DPP6: variants seen among roughly 807,000 people sequenced by gnomAD.
DPP6 encodes A-type potassium channel modulatory protein DPP6.
Under a neutral mutation model 122.6 loss-of-function variants are expected in DPP6, and 69 were observed. The ratio of observed to expected loss-of-function variants is 0.56; its 90% CI spans 0.46 to 0.69. The LOEUF (loss-of-function observed/expected upper bound fraction) is 0.69, where lower values mean the gene tolerates loss of function less well. Ranked by LOEUF, DPP6 falls within the 30% of genes least tolerant of loss-of-function variation. DPP6 has a pLI of 0.00. For missense variants in DPP6, 928 were observed against 1,116.9 expected, an observed-to-expected ratio of 0.83 and a Z score of 2.41; for synonymous variants, 418 against 433.1, an observed-to-expected ratio of 0.97 and a Z score of 0.43.
chr7:153,805,820 G>A, the DPP6 span, among the ~76,000 whole-genome samples: 1 of 151,144 alleles, frequency 6.6e-6, no homozygotes, highest in East Asian at 1.9e-4. Context: ...CTTGGACACA[G>A]GAAGGGGAAC....
chr7:153,826,748 G>A, the DPP6 span, among the ~76,000 whole-genome samples: 49 of 152,128 alleles, frequency 3.2e-4, no homozygotes, highest in South Asian at 9.7e-3. Context: ...CTTGTTATTG[G>A]AGGAAAAAAT....
chr7:154,386,781 T>C (rs940686348), intron 1 of DPP6, among the ~76,000 whole-genome samples: 12 of 152,220 alleles, frequency 7.9e-5, no homozygotes, highest in Admixed American at 6.5e-4. Flanking sequence ...TGGAGACATA[T>C]GCCATTTGTT....
At chr7:153,883,514 G>C (rs139470005), upstream of DPP6, among the ~76,000 whole-genome samples, 130 of 152,146 alleles carry the variant, frequency 8.5e-4, no homozygotes, top group East Asian at 3.3e-3. Flanking sequence ...TGAGTAGCTT[G>C]GATTACAGGT....
intron 1 of DPP6, among the ~76,000 whole-genome samples, chr7:154,420,912 A>G (rs1458032166): frequency 1.3e-5 from 2 of 152,214 alleles, no homozygotes; most frequent in Non-Finnish European, 2.9e-5. Context: ...ATAGATAACA[A>G]TGCTGGCATT....
At chr7:154,503,031 T>C (rs1825379575) in intron 3 of DPP6, among the ~76,000 whole-genome samples, 1 of 152,202 alleles carries the variant, frequency 6.6e-6, no homozygotes, top group Non-Finnish European at 1.5e-5. Context: ...ACGGCTACCA[T>C]GGACGGTTCT....
Position 153,914,492 on chromosome 7 carries a change from C to T in DPP6, c.51+26758C>T, listed in dbSNP as rs535054185. The stretch of plus-strand genomic sequence containing the variant: ...TTTTAAATTGCAGAAGTGCTTTCTT[C>T]TGACCACAGCCCTATCTTTGAGGGA... On this transcript the variant is annotated intron_variant, in intron 1 of 25. Transcript: ENST00000404039. Among the ~76,000 whole-genome samples the T allele has an allele frequency of 2.6e-5, 4 of 152,280 alleles. No homozygotes were observed. In the East Asian group the frequency reaches 7.7e-4, roughly 29 times the overall value.
intron 3 of DPP6, among the ~76,000 whole-genome samples, chr7:154,498,768 T>C (rs1824969635): frequency 6.6e-6 from 1 of 152,206 alleles, no homozygotes; most frequent in South Asian, 2.1e-4. Context: ...GCAGCTGCCC[T>C]GTGCACTGTA....
intron 5 of DPP6, among the ~76,000 whole-genome samples, chr7:154,602,783 T>C (rs1366609831): frequency 8.7e-6 from 1 of 114,306 alleles, no homozygotes; most frequent in African/African-American, 2.8e-5. Context: ...GGTCTTACTC[T>C]GTCACCCAGC....
At chr7:154,809,252 T>TA (rs1798885749) in intron 16 of DPP6, among the ~76,000 whole-genome samples, 6 of 151,358 alleles carry the variant, frequency 4.0e-5, no homozygotes, top group African/African-American at 1.5e-4. Flanking sequence ...GTTTCTTTTT[T>TA]TAAAAAAAAA....
chr7:153,875,095 C>A, the DPP6 span, among the ~76,000 whole-genome samples: 127 of 152,162 alleles, frequency 8.3e-4, no homozygotes, highest in African/African-American at 3.0e-3. Context: ...AAACTGAAGA[C>A]AAGAGGAAGT....
Position 154,575,139 on chromosome 7 carries a change from GTGTA to G in DPP6, c.627+8227_627+8230del, listed in dbSNP as rs1257413913. Among the ~76,000 whole-genome samples the G allele has an allele frequency of 6.8e-3, 963 of 140,620 alleles. 9 individuals carry two copies. Among genetic ancestry groups the G allele is most frequent in the African/African-American group, 0.024 (903 of 37,646 alleles). 92.3% of individuals were successfully genotyped at this position (140,620 alleles called of 152,430 possible). ...TGTGTGTGTGGTGTGTGTGTGGTAT[GTGTA>G]TGTGTGTGTGGTCTGTGTGTATGTG... On this transcript the variant is annotated intron_variant, in intron 5 of 25. Coordinates refer to ENST00000377770, the MANE Select transcript of DPP6 (RefSeq NM_130797.4).
chr7:154,725,024 GT>G (rs1841997422), intron 7 of DPP6, among the ~76,000 whole-genome samples: 1 of 152,164 alleles, frequency 6.6e-6, no homozygotes, highest in Admixed American at 6.5e-5. Flanking sequence ...TCTGTTTTGT[GT>G]TTCCAGAACT....
rs1444280098 is a variant in DPP6 at position 153,959,773 on chromosome 7, TATC to T, written c.51+72042_51+72044del. 3.9e-5 allele frequency among the ~76,000 whole-genome samples: 6 copies of T among 152,368 alleles called. No individual in the cohort carries two copies. The East Asian group carries it at 1.2e-3, about 29-fold the overall frequency. On this transcript the variant is annotated intron_variant, in intron 1 of 25. Transcript: ENST00000404039. The stretch of plus-strand genomic sequence containing the variant: ...CAGCAATAAGGCTGTTTTGCTTTCT[TATC>T]ATTCATGTGTTCACTGGAGTAGCAC...
intron 1 of DPP6, among the ~76,000 whole-genome samples, chr7:154,034,538 TGTGTATGTGC>T (rs1799421092): frequency 6.6e-6 from 1 of 152,224 alleles, no homozygotes; most frequent in Non-Finnish European, 1.5e-5. Flanking sequence ...CCTTTGTGTG[TGTGTATGTGC>T]GTGTATGTTT....
At chr7:154,039,356 G>A (rs71243487) in intron 1 of DPP6, among the ~76,000 whole-genome samples, 28,657 of 140,720 alleles carry the variant, frequency 0.2, 3,484 homozygotes, top group Non-Finnish European at 0.23. Flanking sequence ...GTTTTTCAAA[G>A]ATCAGAAAAT....
At chr7:154,550,591 A>T (rs1586605094) in intron 4 of DPP6, among the ~76,000 whole-genome samples, 1 of 152,192 alleles carries the variant, frequency 6.6e-6, no homozygotes, top group Non-Finnish European at 1.5e-5. Flanking sequence ...TGAACTTGGG[A>T]AATATTTGTG....
chr7:153,877,295 T>C, the DPP6 span, among the ~76,000 whole-genome samples: 3 of 152,182 alleles, frequency 2.0e-5, no homozygotes. Context: ...TATATTCTTA[T>C]CTATATGCTT....
At chr7:154,270,273 G>T (rs1327755766) in intron 1 of DPP6, among the ~76,000 whole-genome samples, 1 of 152,104 alleles carries the variant, frequency 6.6e-6, no homozygotes, top group African/African-American at 2.4e-5. Context: ...TGTTAATCTG[G>T]TTATGCCAGG....
chr7:154,368,782 G>C (rs1812396611), intron 1 of DPP6, among the ~76,000 whole-genome samples: 1 of 152,184 alleles, frequency 6.6e-6, no homozygotes, highest in Non-Finnish European at 1.5e-5. Context: ...TCTGATGTTA[G>C]TAACAAGAAC....
Sources: allele counts gnomAD v4.1 joint callset (sites outside exome capture counted in the v4.1 genomes callset), GRCh38; gene constraint gnomAD v4.1.1; transcripts MANE v1.5; gene names NCBI Gene and HGNC (gene_info 2026-07-23, HGNC 2026-07-21).